EGFR: variants seen among roughly 807,000 people sequenced by gnomAD.
EGFR encodes epidermal growth factor receptor.
A neutral mutation model predicts 143.0 loss-of-function variants in EGFR; 58 were observed. The ratio of observed to expected loss-of-function variants is 0.41; its 90% CI spans 0.33 to 0.50. The LOEUF is 0.50. EGFR is among the 20% of genes least tolerant of loss of function. The pLI, the probability that EGFR is intolerant of heterozygous loss-of-function variation, is 0.39. For synonymous variants in EGFR, 613 were observed against 594.4 expected (o/e 1.03, Z -0.45); for missense variants, 1,307 against 1,579.0 (o/e 0.83, Z 2.92).
chr7:55,037,582 G>A (rs17151934), intron 1 of EGFR, among the ~76,000 whole-genome samples: 20,967 of 152,142 alleles, frequency 0.14, 1,539 homozygotes, highest in African/African-American at 0.16. Flanking sequence ...GCTCTTCATG[G>A]AGTGATGCAG....
chr7:55,155,862 G>A lies in EGFR; in HGVS notation c.922G>A (p.Val308Ile), dbSNP rs749132706. The part of the protein sequence containing the change: ...NYVVTDHGSC[V>I]RACGADSYEM... ...TGTGGTGACAGATCACGGCTCGTGC[G>A]TCCGAGCCTGTGGGGCCGACAGCTA... Residue 308 changes from valine (V) to isoleucine (I), a missense_variant, in exon 8 of 28, where the codon GTC becomes ATC. Around this residue, in one of 7 missense-constraint regions of EGFR, gnomAD observed 311 missense variants for 412.3 expected, o/e 0.75. Coordinates refer to ENST00000275493, the MANE Select transcript of EGFR (RefSeq NM_005228.5). 6 of 1,613,810 alleles carry A rather than the reference G, an allele frequency of 3.7e-6. No homozygotes were observed. The highest frequency in any genetic ancestry group is 5.1e-6 in the Non-Finnish European group (6 of 1,179,984).
chr7:55,153,911 T>C (rs1785278443), intron 6 of EGFR, 100 bp from the exon 7 acceptor site: 6 of 1,564,460 alleles, frequency 3.8e-6, no homozygotes, highest in Middle Eastern at 1.7e-4. Context: ...GACAGTAACT[T>C]GGGCTTTCTG....
intron 1 of EGFR, among the ~76,000 whole-genome samples, chr7:55,139,441 T>C (rs1342125189): frequency 6.6e-6 from 1 of 152,206 alleles, no homozygotes; most frequent in Non-Finnish European, 1.5e-5. Context: ...CATACCTTGT[T>C]TTAATTAGAA....
intron 1 of EGFR, among the ~76,000 whole-genome samples, chr7:55,130,032 G>A (rs1793743604): frequency 6.6e-6 from 1 of 152,186 alleles, no homozygotes; most frequent in Non-Finnish European, 1.5e-5. Flanking sequence ...TCCCAGCAGA[G>A]TTGAATAATT....
intron 3 of EGFR, among the ~76,000 whole-genome samples, chr7:55,143,809 T>G (rs750343457): frequency 2.6e-5 from 4 of 152,144 alleles, no homozygotes; most frequent in Admixed American, 6.5e-5. Flanking sequence ...TGAATCTATG[T>G]GTGTAGGCAG....
chr7:55,200,703 C>T (rs2128970629), intron 24 of EGFR: 1 of 532,584 alleles, frequency 1.9e-6, no homozygotes, highest in South Asian at 2.0e-5. Context: ...AAGAGAGAAG[C>T]ATGGTCTATT....
intron 15 of EGFR, among the ~76,000 whole-genome samples, chr7:55,169,100 T>C (rs1786216981): frequency 6.9e-6 from 1 of 145,292 alleles, no homozygotes; most frequent in Admixed American, 7.4e-5. Flanking sequence ...GGAATAGCTA[T>C]TTCTTTTTTT....
intron 15 of EGFR, chr7:55,170,887 C>T: frequency 7.1e-7 from 1 of 1,412,924 alleles, no homozygotes; most frequent in South Asian, 1.5e-5. Context: ...TTATCTGTGT[C>T]AAAAGCCAGA....
At chr7:55,195,001 G>A (rs564114171) in intron 22 of EGFR, among the ~76,000 whole-genome samples, 2 of 152,258 alleles carry the variant, frequency 1.3e-5, no homozygotes, top group Admixed American at 6.5e-5. Context: ...GAGAGAACTC[G>A]CAACACCTTC....
chr7:55,138,459 A>T (rs1794281397), intron 1 of EGFR, among the ~76,000 whole-genome samples: 2 of 152,246 alleles, frequency 1.3e-5, no homozygotes, highest in Admixed American at 6.5e-5. Flanking sequence ...TCCTTAAAGT[A>T]CTATGTATTC....
In EGFR at chr7:55,145,097, G is replaced by C. The variant is rs766359116; in HGVS notation, c.425-1509G>C. 1.3e-4 allele frequency among the ~76,000 whole-genome samples: 20 copies of C among 152,268 alleles called. 2 individuals are homozygous for C. Among genetic ancestry groups the C allele is most frequent in the Middle Eastern group, 6.8e-3 (2 of 294 alleles). On this transcript the variant is annotated intron_variant, in intron 3 of 27. Transcript: ENST00000275493. ...CAGGGTGAGCCTCCCCTAAGCCACC[G>C]GGAAGCGGCTCCTGCAGCCTCCCTC... is the stretch of plus-strand genomic sequence containing the variant.
In EGFR at chr7:55,021,930, C is replaced by T. The variant is rs76780763; in HGVS notation, c.88+2565C>T. 8.3e-3 allele frequency among the ~76,000 whole-genome samples: 1,263 copies of T among 152,330 alleles called. 22 individuals are homozygous for T. Among genetic ancestry groups the T allele is most frequent in the African/African-American group, 0.029 (1,195 of 41,574 alleles). The stretch of plus-strand genomic sequence containing the variant: ...GGGGCTTCCAACTCCAGATCCCTCT[C>T]TCAACTTCCAAACTCCACTGCCTTG... On this transcript the variant is annotated intron_variant, in intron 1 of 27. Transcript: ENST00000275493.
At chr7:55,133,915 G>A (rs1464107116) in intron 1 of EGFR, among the ~76,000 whole-genome samples, 1 of 152,242 alleles carries the variant, frequency 6.6e-6, no homozygotes, top group Non-Finnish European at 1.5e-5. Flanking sequence ...ATGCCTGTGT[G>A]TAAAGAGAGA....
At chr7:55,113,810 T>C (rs1221151376) in intron 1 of EGFR, among the ~76,000 whole-genome samples, 1 of 152,198 alleles carries the variant, frequency 6.6e-6, no homozygotes, top group African/African-American at 2.4e-5. Flanking sequence ...GTTTTTGATA[T>C]GGTTTCAAGC....
At chr7:55,062,745 A>G (rs1311213571) in intron 1 of EGFR, among the ~76,000 whole-genome samples, 1 of 152,034 alleles carries the variant, frequency 6.6e-6, no homozygotes, top group African/African-American at 2.4e-5. Flanking sequence ...TTCTTTGAAA[A>G]TATCAGAAAC....
intron 10 of EGFR, among the ~76,000 whole-genome samples, chr7:55,157,324 T>C (rs895713716): frequency 6.6e-6 from 1 of 152,232 alleles, no homozygotes; most frequent in Non-Finnish European, 1.5e-5. Context: ...GCTCCTTGTA[T>C]GTGATACCAG....
At chr7:55,125,217 T>G (rs1476350590) in intron 1 of EGFR, among the ~76,000 whole-genome samples, 1 of 152,220 alleles carries the variant, frequency 6.6e-6, no homozygotes, top group African/African-American at 2.4e-5. Context: ...CAGTAAGATC[T>G]GTTTTTGTGT....
rs566284998 is a variant in EGFR at position 55,131,774 on chromosome 7, C to A, written c.89-10512C>A. 2.0e-5 allele frequency among the ~76,000 whole-genome samples: 3 copies of A among 152,242 alleles called. No individual in the cohort carries two copies. In the South Asian group the frequency reaches 6.2e-4, roughly 32 times the overall value. On this transcript the variant is annotated intron_variant, in intron 1 of 27. Transcript: ENST00000275493. ...TGGGGTGTCCAGCATGCTCTGAGGT[C>A]CCTGCTGCTGACCCCTTGCGCTGTC...
At chr7:55,203,059 T>A (rs1016232813) in intron 27 of EGFR, 2 of 304,366 alleles carry the variant, frequency 6.6e-6, no homozygotes, top group Non-Finnish European at 1.2e-5. Flanking sequence ...TATTAATAAA[T>A]TTTAAGCTTT....
Sources: gnomAD v4.1 joint callset for allele counts (sites outside exome capture counted in the v4.1 genomes callset) on GRCh38, gnomAD v4.1.1 for gene constraint, gnomAD v4.1.1 regional missense constraint, MANE v1.5 for transcripts, NCBI Gene and HGNC (gene_info 2026-07-23, HGNC 2026-07-21) for gene names.